MYT1L: variants seen among roughly 807,000 people sequenced by gnomAD.
MYT1L encodes myelin transcription factor 1 like.
Under a neutral mutation model 126.7 loss-of-function variants are expected in MYT1L, and 12 were observed. The ratio of observed to expected loss-of-function variants is 0.09; its 90% CI spans 0.06 to 0.15. The LOEUF is 0.15. MYT1L is among the 10% of genes least tolerant of loss of function. The pLI is 1.00. For missense variants in MYT1L, 979 were observed against 1,585.2 expected, an observed-to-expected ratio of 0.62 and a Z score of 6.49; for synonymous variants, 541 against 604.2, an observed-to-expected ratio of 0.90 and a Z score of 1.53.
chr2:2,286,990 G>A (rs924094585), intron 1 of MYT1L, among the ~76,000 whole-genome samples: 1 of 152,122 alleles, frequency 6.6e-6, no homozygotes, highest in African/African-American at 2.4e-5. Context: ...CACACACACA[G>A]ATTTCATCTA....
At chr2:2,104,343 C>T (rs2078476458) in intron 3 of MYT1L, among the ~76,000 whole-genome samples, 1 of 152,222 alleles carries the variant, frequency 6.6e-6, no homozygotes, top group South Asian at 2.1e-4. Context: ...GAAAGAACTA[C>T]ATTCTGAGTA....
chr2:2,142,586 A>G (rs867000482), intron 3 of MYT1L, among the ~76,000 whole-genome samples: 11 of 152,142 alleles, frequency 7.2e-5, no homozygotes, highest in African/African-American at 2.4e-4. Flanking sequence ...AACCGTTCAG[A>G]GGTACATTTG....
At chr2:2,114,204 T>C (rs538606651) in intron 3 of MYT1L, among the ~76,000 whole-genome samples, 2 of 152,362 alleles carry the variant, frequency 1.3e-5, no homozygotes, top group Admixed American at 6.5e-5. Context: ...ACCTTCAAAA[T>C]GTGGTGCTAT....
chr2:2,068,737 T>C (rs1574958480), intron 3 of MYT1L, among the ~76,000 whole-genome samples: 1 of 150,954 alleles, frequency 6.6e-6, no homozygotes, highest in South Asian at 2.1e-4. Context: ...GCTTTTTTTT[T>C]TTTTTTGGAC....
At chr2:2,088,606 G>A (rs981730301) in intron 3 of MYT1L, among the ~76,000 whole-genome samples, 2 of 151,490 alleles carry the variant, frequency 1.3e-5, no homozygotes, top group Admixed American at 6.6e-5. Context: ...TAACGGGTCT[G>A]ATTCAAAAGG....
chr2:2,303,068 GA>G (rs376682075), intron 1 of MYT1L, among the ~76,000 whole-genome samples: 10 of 151,618 alleles, frequency 6.6e-5, no homozygotes, highest in Non-Finnish European at 1.2e-4. Context: ...TTAAAAATGG[GA>G]AAAAAAACAA....
At chr2:1,906,660 G>A (rs2051100404) in intron 13 of MYT1L, among the ~76,000 whole-genome samples, 1 of 151,840 alleles carries the variant, frequency 6.6e-6, no homozygotes. Context: ...CATTAATTTA[G>A]CCGATTTACT....
Position 1,889,112 on chromosome 2 carries a change from C to A in MYT1L, c.2520+129G>T. 1 of 671,152 alleles carries A rather than the reference C, an allele frequency of 1.5e-6. No individual in the cohort carries two copies. Among genetic ancestry groups the A allele is most frequent in the Non-Finnish European group, 2.4e-6 (1 of 412,606 alleles). 41.6% of individuals were successfully genotyped at this position (671,152 alleles called of 1,614,324 possible). A position where few individuals can be genotyped will look rare whatever the true frequency, so the allele number is the denominator to read the frequency against. On this transcript the variant is annotated intron_variant, in intron 16 of 24. Transcript: ENST00000647738. The surrounding 1 kb of genome is among the most constrained non-coding windows in gnomAD (Gnocchi z 4.1). ...CAACAAAAACTGTTTTCTAAGTCCT[C>A]CTCAGCTAAAGGTCATATTTAAAGA... is the stretch of plus-strand genomic sequence containing the variant.
At chr2:1,812,108 G>A (rs187510520) in intron 21 of MYT1L, among the ~76,000 whole-genome samples, 457 of 152,268 alleles carry the variant, frequency 3.0e-3, no homozygotes, top group Non-Finnish European at 5.5e-3. Flanking sequence ...GTGTGTCTGC[G>A]CTTTGGCCCC....
chr2:1,972,073 T>A (rs1186185282), intron 8 of MYT1L, among the ~76,000 whole-genome samples: 2 of 152,128 alleles, frequency 1.3e-5, no homozygotes, highest in Non-Finnish European at 2.9e-5. Flanking sequence ...GCGTACACAA[T>A]GTGTCTCATA....
intron 1 of MYT1L, among the ~76,000 whole-genome samples, chr2:2,300,597 A>G (rs1205541622): frequency 6.6e-6 from 1 of 152,220 alleles, no homozygotes; most frequent in Non-Finnish European, 1.5e-5. Flanking sequence ...TCCCAATGAT[A>G]ATAGTAACAC....
chr2:2,014,855 C>G (rs757969028), intron 4 of MYT1L, among the ~76,000 whole-genome samples: 11 of 152,140 alleles, frequency 7.2e-5, no homozygotes, highest in Non-Finnish European at 1.5e-4. Context: ...GCTATCAGCC[C>G]CATGAGAAGC....
rs1311436167 is a variant in MYT1L, at chr2:2,159,501, C to T, written c.-304+13371G>A. ...GGGATCTCGCCTGGCTTTCCTGCCC[C>T]ATCCCCAGACGCTGGGGAGCACCTC... On this transcript the variant is annotated intron_variant, in intron 3 of 24. Coordinates refer to ENST00000647738, the MANE Select transcript of MYT1L (RefSeq NM_001303052.2). 2.0e-5 allele frequency among the ~76,000 whole-genome samples: 3 copies of T among 151,862 alleles called. No homozygotes were observed. In the East Asian group the frequency reaches 5.9e-4, roughly 30 times the overall value.
intron 3 of MYT1L, among the ~76,000 whole-genome samples, chr2:2,072,262 C>T (rs116423448): frequency 0.017 from 2,519 of 152,274 alleles, 61 homozygotes; most frequent in African/African-American, 0.057. Flanking sequence ...CTCTTGGAAA[C>T]AGTACCACTA....
Position 2,068,769 on chromosome 2 carries a change from GTTTTTTTTTTTTTTTT to G in MYT1L, c.-303-14662_-303-14647del, listed in dbSNP as rs55838351. 3.1e-4 allele frequency among the ~76,000 whole-genome samples: 8 copies of G among 26,180 alleles called. No individual in the cohort carries two copies. The Admixed American group carries it at 6.3e-3, about 21-fold the overall frequency. The allele number at this position is 26,180 out of a possible 152,430, so 17.2% of individuals were successfully genotyped here. A position where few individuals can be genotyped will look rare whatever the true frequency, so the allele number is the denominator to read the frequency against. On this transcript the variant is annotated intron_variant, in intron 3 of 24. Transcript: ENST00000647738. ...GGACACAGACACCTGTGTTCTTCTT[GTTTTTTTTTTTTTTTT>G]TTTTTTTTTTTTTCATATGTATAAG...
intron 3 of MYT1L, among the ~76,000 whole-genome samples, chr2:2,102,791 A>G (rs935999873): frequency 1.3e-5 from 2 of 152,144 alleles, no homozygotes; most frequent in African/African-American, 4.8e-5. Flanking sequence ...TAGCACTCTC[A>G]TCCCTATCTG....
intron 2 of MYT1L, among the ~76,000 whole-genome samples, chr2:2,219,393 T>G (rs957121493): frequency 6.6e-6 from 1 of 152,294 alleles, no homozygotes; most frequent in African/African-American, 2.4e-5. Flanking sequence ...CTTCAAAGAC[T>G]TTCCTCCCCA....
intron 2 of MYT1L, among the ~76,000 whole-genome samples, chr2:2,235,180 G>A (rs1021601552): frequency 1.3e-5 from 2 of 152,174 alleles, no homozygotes; most frequent in African/African-American, 2.4e-5. Flanking sequence ...AGGGGTGTGT[G>A]TTAGCTGGTT....
intron 3 of MYT1L, among the ~76,000 whole-genome samples, chr2:2,146,527 AC>A (rs908411369): frequency 1.3e-5 from 2 of 152,092 alleles, no homozygotes; most frequent in African/African-American, 4.8e-5. Flanking sequence ...TTCTCAGCCC[AC>A]CCCTGGAGAC....
Sources: allele counts gnomAD v4.1 joint callset (sites outside exome capture counted in the v4.1 genomes callset), GRCh38; gene constraint gnomAD v4.1.1; non-coding constraint Gnocchi (gnomAD v3.1); transcripts MANE v1.5; gene names NCBI Gene and HGNC (gene_info 2026-07-23, HGNC 2026-07-21).